Variants in FARS2 observed in about 807,000 individuals in gnomAD.
The protein encoded by FARS2 is phenylalanine--tRNA ligase, mitochondrial.
Under a neutral mutation model 46.4 loss-of-function variants are expected in FARS2, and 40 were observed. That is an observed-to-expected ratio of 0.86 (90% CI 0.67 to 1.12). The LOEUF (loss-of-function observed/expected upper bound fraction) is 1.12. Among genes scored for constraint, FARS2 ranks in the 50% most tolerant of loss-of-function variants. The probability of loss-of-function intolerance (pLI) is 0.00; values close to 1 mark genes in which losing one functional copy is unlikely to be tolerated. For missense variants in FARS2, 513 were observed against 567.9 expected (o/e 0.90, Z 0.98); for synonymous variants, 234 against 214.9 (o/e 1.09, Z -0.78).
chr6:5,471,071 TGA>T lies in FARS2; in HGVS notation c.904+39903_904+39904del, dbSNP rs1329929974. Among the ~76,000 whole-genome samples the T allele has an allele frequency of 6.6e-6, 1 of 152,152 alleles. No homozygotes were observed. The highest frequency in any genetic ancestry group is 1.5e-5 in the Non-Finnish European group (1 of 68,036). On this transcript the variant is annotated intron_variant, in intron 4 of 6. Coordinates refer to ENST00000274680, the MANE Select transcript of FARS2 (RefSeq NM_006567.5). The surrounding 1 kb of genome is among the most constrained non-coding windows in gnomAD (Gnocchi z 4.1). ...AGAAAAGGCTTTCTAAGCTAGAGTG[TGA>T]GAGTTACATGTTAACAATAAGTGAA...
chr6:5,657,094 A>G (rs897517982), intron 6 of FARS2, among the ~76,000 whole-genome samples: 2 of 152,236 alleles, frequency 1.3e-5, no homozygotes, highest in Non-Finnish European at 2.9e-5. Context: ...TTGTGTATAT[A>G]TACATATGTA....
chr6:5,292,203 A>C (rs1166009628), intron 1 of FARS2, among the ~76,000 whole-genome samples: 1 of 152,220 alleles, frequency 6.6e-6, no homozygotes, highest in Non-Finnish European at 1.5e-5. Context: ...ATGACAAGAC[A>C]TGAGATTGGT....
At chr6:5,709,671 GGTGTGTGTGT>G (rs771506886) in intron 6 of FARS2, among the ~76,000 whole-genome samples, 2 of 97,124 alleles carry the variant, frequency 2.1e-5, no homozygotes, top group Non-Finnish European at 4.3e-5. Context: ...GTTCCAAGAG[GGTGTGTGTGT>G]GTGTGTGTGT....
intron 6 of FARS2, among the ~76,000 whole-genome samples, chr6:5,758,981 G>GAA (rs138170437): frequency 3.3e-5 from 5 of 150,954 alleles, no homozygotes; most frequent in Admixed American, 3.3e-4. Flanking sequence ...TGTTTCATTA[G>GAA]AAAAAAAAAG....
intron 4 of FARS2, among the ~76,000 whole-genome samples, chr6:5,437,057 T>G (rs1763566098): frequency 6.6e-6 from 1 of 152,220 alleles, no homozygotes; most frequent in Non-Finnish European, 1.5e-5. Flanking sequence ...TTTTGTAATC[T>G]GTTCCTCCAC....
At chr6:5,352,700 C>T (rs1407679805) in intron 1 of FARS2, among the ~76,000 whole-genome samples, 3 of 151,882 alleles carry the variant, frequency 2.0e-5, no homozygotes, top group Non-Finnish European at 2.9e-5. Flanking sequence ...AATACTTGCT[C>T]GACTAGCCTT....
Position 5,475,880 on chromosome 6 carries a change from C to A in FARS2, c.904+44708C>A, listed in dbSNP as rs577601595. Among the ~76,000 whole-genome samples the A allele has an allele frequency of 7.2e-5, 11 of 152,252 alleles. No homozygotes were observed. In the East Asian group the frequency reaches 2.1e-3, roughly 29 times the overall value. Reference sequence around the variant, plus strand: ...TTGCTGTCATGGATGCCGGTCGTTGCTCCCCTGATGTTGTTTTCTCCCATG... The same window carrying A: ...TTGCTGTCATGGATGCCGGTCGTTGATCCCCTGATGTTGTTTTCTCCCATG... On this transcript the variant is annotated intron_variant, in intron 4 of 6. Coordinates refer to ENST00000274680, the MANE Select transcript of FARS2 (RefSeq NM_006567.5).
At chr6:5,394,063 C>G (rs1009289310) in intron 2 of FARS2, among the ~76,000 whole-genome samples, 1 of 152,164 alleles carries the variant, frequency 6.6e-6, no homozygotes, top group African/African-American at 2.4e-5. Context: ...GTTTATTTTC[C>G]TCTGGTAACT....
intron 1 of FARS2, among the ~76,000 whole-genome samples, chr6:5,336,184 G>T (rs892638976): frequency 1.3e-5 from 2 of 151,748 alleles, no homozygotes; most frequent in Non-Finnish European, 2.9e-5. Context: ...GATACTAAAA[G>T]TATCTGACAA....
At chr6:5,498,246 C>G (rs1345230865) in intron 4 of FARS2, among the ~76,000 whole-genome samples, 1 of 152,156 alleles carries the variant, frequency 6.6e-6, no homozygotes, top group Non-Finnish European at 1.5e-5. Flanking sequence ...GTAAAATAGT[C>G]AGTTCTGGAT....
intron 4 of FARS2, among the ~76,000 whole-genome samples, chr6:5,489,285 C>T (rs887610884): frequency 1.3e-5 from 2 of 152,174 alleles, no homozygotes; most frequent in Non-Finnish European, 2.9e-5. Flanking sequence ...GAAACGCCGT[C>T]TCTGCTAAAA....
intron 2 of FARS2, among the ~76,000 whole-genome samples, chr6:5,396,581 T>TA (rs1562010075): frequency 6.6e-6 from 1 of 152,276 alleles, no homozygotes; most frequent in East Asian, 1.9e-4. Flanking sequence ...ATATGCTGGC[T>TA]AAAAAAACCC....
intron 1 of FARS2, among the ~76,000 whole-genome samples, chr6:5,363,126 C>G (rs1758423774): frequency 1.3e-5 from 2 of 151,902 alleles, no homozygotes; most frequent in Non-Finnish European, 2.9e-5. Context: ...TGGGGTTTCA[C>G]CGTGTTAGCC....
chr6:5,705,967 C>T (rs1390518835), intron 6 of FARS2, among the ~76,000 whole-genome samples: 3 of 152,176 alleles, frequency 2.0e-5, no homozygotes, highest in East Asian at 1.9e-4. Flanking sequence ...CCAGCAGTGA[C>T]GTATTTGTTT....
chr6:5,636,073 G>A (rs1011242310), intron 6 of FARS2, among the ~76,000 whole-genome samples: 2 of 151,990 alleles, frequency 1.3e-5, no homozygotes, highest in Admixed American at 6.6e-5. Flanking sequence ...TGGGAGTGGC[G>A]CTTTAAAGAA....
At chr6:5,585,481 C>T (rs1386835560) in intron 5 of FARS2, among the ~76,000 whole-genome samples, 1 of 151,780 alleles carries the variant, frequency 6.6e-6, no homozygotes, top group Non-Finnish European at 1.5e-5. Flanking sequence ...CATTCCCCCA[C>T]CCCCATCCCC....
chr6:5,724,220 C>T (rs1405014040), intron 6 of FARS2, among the ~76,000 whole-genome samples: 4 of 152,168 alleles, frequency 2.6e-5, no homozygotes, highest in East Asian at 1.9e-4. Flanking sequence ...CCATCAGAGA[C>T]CTGAGAGGGC....
chr6:5,683,491 G>A (rs1363726772), intron 6 of FARS2, among the ~76,000 whole-genome samples: 1 of 152,160 alleles, frequency 6.6e-6, no homozygotes, highest in Non-Finnish European at 1.5e-5. Flanking sequence ...TCTCTTCAGG[G>A]CAGGAAAAGG....
At chr6:5,307,013 A>G (rs9405820) in intron 1 of FARS2, among the ~76,000 whole-genome samples, 60,796 of 152,014 alleles carry the variant, frequency 0.4, 12,364 homozygotes, top group African/African-American at 0.45. Flanking sequence ...CACTTAGGAC[A>G]TTTAATTTTT....
Sources: gnomAD v4.1 joint callset for allele counts (sites outside exome capture counted in the v4.1 genomes callset) on GRCh38, gnomAD v4.1.1 for gene constraint, Gnocchi (gnomAD v3.1) non-coding constraint, MANE v1.5 for transcripts, NCBI Gene and HGNC (gene_info 2026-07-23, HGNC 2026-07-21) for gene names.